TEKT1: variants seen among roughly 807,000 people sequenced by gnomAD.
TEKT1 encodes tektin 1.
TEKT1 carries 32 observed loss-of-function variants against 34.8 expected under a neutral mutation model. The observed-to-expected ratio is 0.92, with a 90% CI of 0.69 to 1.23. The LOEUF (loss-of-function observed/expected upper bound fraction) is 1.23. TEKT1 is among the 50% of genes most tolerant of loss of function. The pLI, the probability that TEKT1 is intolerant of heterozygous loss-of-function variation, is 0.00. For missense variants in TEKT1, 492 were observed against 518.5 expected, an observed-to-expected ratio of 0.95 and a Z score of 0.50; for synonymous variants, 207 against 199.8, an observed-to-expected ratio of 1.04 and a Z score of -0.30.
chr17:6,829,039 T>C (rs1275731977), intron 2 of TEKT1, among the ~76,000 whole-genome samples: 6 of 152,044 alleles, frequency 3.9e-5, no homozygotes, highest in African/African-American at 1.2e-4. Context: ...TAATCCCAGC[T>C]ACTCAGGAGG....
chr17:6,811,343 A>G lies in TEKT1; in HGVS notation c.852+1488T>C, dbSNP rs1157895035. Among the ~76,000 whole-genome samples, 1 of 151,928 alleles carries G rather than the reference A, an allele frequency of 6.6e-6. No individual in the cohort carries two copies. Among genetic ancestry groups the G allele is most frequent in the Non-Finnish European group, 1.5e-5 (1 of 68,002 alleles). ...GTGTGTGTGTGTGTGTGAAATGTAT[A>G]CATGCCAGGCACTGTTCTAAATATT... On this transcript the variant is annotated intron_variant, in intron 6 of 7. Coordinates refer to ENST00000338694, the MANE Select transcript of TEKT1 (RefSeq NM_053285.2). The surrounding 1 kb of genome is among the most constrained non-coding windows in gnomAD (Gnocchi z 4.4).
intron 6 of TEKT1, among the ~76,000 whole-genome samples, chr17:6,805,530 G>T (rs1283006189): frequency 6.6e-6 from 1 of 151,982 alleles, no homozygotes; most frequent in Non-Finnish European, 1.5e-5. Flanking sequence ...GTTTGCTCTT[G>T]CTTCTCTAGT....
chr17:6,827,377 T>C (rs926250842), intron 2 of TEKT1, among the ~76,000 whole-genome samples: 14 of 150,564 alleles, frequency 9.3e-5, no homozygotes, highest in African/African-American at 2.9e-4. Context: ...TTCTCCTACC[T>C]CAGCCTCCTG....
At chr17:6,806,892 C>T (rs1360689047) in intron 6 of TEKT1, among the ~76,000 whole-genome samples, 1 of 152,114 alleles carries the variant, frequency 6.6e-6, no homozygotes, top group Non-Finnish European at 1.5e-5. Flanking sequence ...TCTCTGGCTG[C>T]CCTTAACATT....
At chr17:6,826,024 T>A (rs896965171) in intron 2 of TEKT1, among the ~76,000 whole-genome samples, 2 of 152,248 alleles carry the variant, frequency 1.3e-5, no homozygotes, top group African/African-American at 4.8e-5. Context: ...CTGCCAAAGC[T>A]TTCCAAAGTG....
At position 6,800,185 on chromosome 17, in the gene TEKT1, G is replaced by A. The variant is rs1358811994; in HGVS notation, c.1099C>T (p.Arg367Cys). Residue 367 changes from arginine to cysteine, a missense_variant, in exon 8 of 8, where the codon CGC becomes TGC. Physicochemically the swap from Arg to Cys is radical, Grantham distance 180. Transcript: ENST00000338694. ...TCCTCCTGCAGGGCAAGCTGTCTGC[G>A]ATGCAGCCCTTTCAGCTCTGCCTGA... ...QAQAELKGLH[R>C]RQLALQEEIQ... is the part of the protein sequence containing the mutation. The A allele has an allele frequency of 3.1e-6, 5 of 1,614,148 alleles. No homozygotes were observed. The highest frequency in any genetic ancestry group is 3.4e-6 in the Non-Finnish European group (4 of 1,180,028).
intron 3 of TEKT1, among the ~76,000 whole-genome samples, chr17:6,817,290 A>G (rs150654101): frequency 0.081 from 12,336 of 151,880 alleles, 626 homozygotes; most frequent in Middle Eastern, 0.19. Context: ...CAGGAGAATC[A>G]TTTGAACCCG....
At chr17:6,831,616 G>A (rs1244961977) in intron 1 of TEKT1, 33 bp downstream of exon 1, 2 of 152,202 alleles carry the variant, frequency 1.3e-5, no homozygotes, top group Non-Finnish European at 2.9e-5. Flanking sequence ...GTTGCGGGTA[G>A]GGGTCGGTGG....
chr17:6,827,892 C>CT (rs1904454857), intron 2 of TEKT1, among the ~76,000 whole-genome samples: 1 of 151,930 alleles, frequency 6.6e-6, no homozygotes, highest in Non-Finnish European at 1.5e-5. Context: ...TGAAGGTTCA[C>CT]TTTTTCCCCG....
intron 6 of TEKT1, among the ~76,000 whole-genome samples, chr17:6,810,747 A>C (rs1251284921): frequency 1.3e-5 from 2 of 151,608 alleles, no homozygotes; most frequent in African/African-American, 4.8e-5. Flanking sequence ...ATTTTTATGC[A>C]TTTTTTTTGA....
At chr17:6,807,704 C>T (rs970230500) in intron 6 of TEKT1, among the ~76,000 whole-genome samples, 3 of 152,200 alleles carry the variant, frequency 2.0e-5, no homozygotes, top group Admixed American at 6.5e-5. Flanking sequence ...CCCTCAGCTG[C>T]AGTTCTGTTG....
intron 6 of TEKT1, among the ~76,000 whole-genome samples, chr17:6,802,142 A>G (rs935041662): frequency 2.6e-5 from 4 of 152,200 alleles, no homozygotes; most frequent in African/African-American, 9.7e-5. Context: ...CATTTCACCA[A>G]TTGTTCCATA....
chr17:6,825,234 T>C (rs1435712743), intron 2 of TEKT1, among the ~76,000 whole-genome samples: 1 of 152,110 alleles, frequency 6.6e-6, no homozygotes, highest in African/African-American at 2.4e-5. Context: ...AGAGATCAAG[T>C]TGGATGAAGA....
At chr17:6,803,429 A>G (rs1976803913) in intron 6 of TEKT1, among the ~76,000 whole-genome samples, 1 of 152,066 alleles carries the variant, frequency 6.6e-6, no homozygotes, top group Non-Finnish European at 1.5e-5. Flanking sequence ...CTCTGATGGT[A>G]GTTTCTTTTG....
intron 6 of TEKT1, among the ~76,000 whole-genome samples, chr17:6,804,812 C>T (rs1025174814): frequency 2.0e-5 from 3 of 152,112 alleles, no homozygotes; most frequent in Non-Finnish European, 4.4e-5. Flanking sequence ...GGATGAAGCC[C>T]ACTTGATCAT....
At chr17:6,800,272 T>C (rs769994953) in intron 7 of TEKT1, 38 bp from the exon 8 acceptor site, 1 of 1,585,852 alleles carries the variant, frequency 6.3e-7, no homozygotes, top group Non-Finnish European at 8.6e-7. Context: ...ATAATTTCTC[T>C]CTATGCATTG....
At chr17:6,803,458 G>T (rs1306591830) in intron 6 of TEKT1, among the ~76,000 whole-genome samples, 1 of 152,026 alleles carries the variant, frequency 6.6e-6, no homozygotes, top group African/African-American at 2.4e-5. Context: ...AAGCTCTTTA[G>T]TTTAATTAGA....
chr17:6,816,070 C>A, intron 3 of TEKT1, 108 bp from the exon 4 acceptor site: 2 of 1,450,582 alleles, frequency 1.4e-6, no homozygotes, highest in South Asian at 1.3e-5. Context: ...ATTTGAGTGT[C>A]ACCCGATCCA....
intron 2 of TEKT1, 45 bp downstream of exon 2, chr17:6,830,142 C>T (rs771746664): frequency 2.6e-6 from 4 of 1,559,542 alleles, no homozygotes; most frequent in African/African-American, 2.8e-5. Flanking sequence ...AACTCAACAG[C>T]CTCATCCTAG....
Sources: gnomAD v4.1 joint callset for allele counts (sites outside exome capture counted in the v4.1 genomes callset) on GRCh38, gnomAD v4.1.1 for gene constraint, Gnocchi (gnomAD v3.1) non-coding constraint, MANE v1.5 for transcripts, NCBI Gene and HGNC (gene_info 2026-07-23, HGNC 2026-07-21) for gene names.